SCAPER: variants seen among roughly 807,000 people sequenced by gnomAD.
The protein encoded by SCAPER is S phase cyclin A-associated protein in the endoplasmic reticulum.
A neutral mutation model predicts 182.2 loss-of-function variants in SCAPER; 98 were observed. That is an observed-to-expected ratio of 0.54 (90% CI 0.46 to 0.64). SCAPER has a LOEUF of 0.64. Among genes scored for constraint, SCAPER ranks in the 30% least tolerant of loss-of-function variants. The probability of loss-of-function intolerance (pLI) is 0.00; values close to 1 mark genes in which losing one functional copy is unlikely to be tolerated. For synonymous variants in SCAPER, 605 were observed against 564.6 expected (o/e 1.07, Z -1.01); for missense variants, 1,432 against 1,690.0 (o/e 0.85, Z 2.68).
intron 24 of SCAPER, among the ~76,000 whole-genome samples, chr15:76,484,196 G>A (rs1234056517): frequency 6.6e-6 from 1 of 152,038 alleles, no homozygotes; most frequent in Non-Finnish European, 1.5e-5. Flanking sequence ...AGAGACATGA[G>A]GGAACCTTAA....
intron 26 of SCAPER, among the ~76,000 whole-genome samples, chr15:76,406,418 C>T (rs375226333): frequency 1.1e-3 from 173 of 151,982 alleles, no homozygotes; most frequent in South Asian, 8.1e-3. Flanking sequence ...GTCGAAGTTG[C>T]AGTAAGCCAA....
At chr15:76,726,466 A>C (rs55691654) in intron 17 of SCAPER, among the ~76,000 whole-genome samples, 15,037 of 151,618 alleles carry the variant, frequency 0.099, 974 homozygotes, top group African/African-American at 0.17. Flanking sequence ...TCAAAAAAAA[A>C]CCAATAAAAT....
At chr15:76,433,976 G>A in intron 26 of SCAPER, 102 bp downstream of exon 26, 1 of 909,216 alleles carries the variant, frequency 1.1e-6, no homozygotes, top group Non-Finnish European at 1.6e-6. Flanking sequence ...TGTGTGAATG[G>A]CATTGTGAGA....
At chr15:76,384,578 G>A (rs1263487075) in intron 27 of SCAPER, among the ~76,000 whole-genome samples, 1 of 152,152 alleles carries the variant, frequency 6.6e-6, no homozygotes, top group Non-Finnish European at 1.5e-5. Context: ...TTATCCTAAT[G>A]AAATGAAAAC....
rs1190721202 is a variant in SCAPER at position 76,765,160 on chromosome 15, A to T, written c.1614-88T>A. On this transcript the variant is annotated intron_variant, in intron 13 of 31. Transcript: ENST00000563290. ...GTTCTTTAGACTTCATAGTTCTTAAAGTATACAAAACTAATTTTGGCCCAA... is the reference window on the plus strand; with the variant it reads ...GTTCTTTAGACTTCATAGTTCTTAATGTATACAAAACTAATTTTGGCCCAA... 1.9e-5 allele frequency: 21 copies of T among 1,128,712 alleles called. No homozygotes were observed. In the East Asian group the frequency reaches 5.4e-4, roughly 29 times the overall value. The allele number at this position is 1,128,712 out of a possible 1,614,324, so 69.9% of individuals were successfully genotyped here.
intron 24 of SCAPER, among the ~76,000 whole-genome samples, chr15:76,495,509 C>T (rs992772546): frequency 3.8e-5 from 5 of 130,170 alleles, no homozygotes; most frequent in Non-Finnish European, 6.2e-5. Flanking sequence ...ACCCAGGAGG[C>T]GGAGGTTGCA....
At chr15:76,485,763 T>G (rs985072970) in intron 24 of SCAPER, among the ~76,000 whole-genome samples, 1 of 152,042 alleles carries the variant, frequency 6.6e-6, no homozygotes, top group African/African-American at 2.4e-5. Flanking sequence ...TTGACACACC[T>G]GATAAAAACA....
intron 24 of SCAPER, among the ~76,000 whole-genome samples, chr15:76,490,903 T>C (rs773009875): frequency 5.3e-5 from 8 of 152,186 alleles, no homozygotes; most frequent in Non-Finnish European, 7.3e-5. Flanking sequence ...ATCCTTCCTG[T>C]GTTGTGTATT....
At chr15:76,500,170 C>G (rs1040168266) in intron 24 of SCAPER, among the ~76,000 whole-genome samples, 2 of 152,308 alleles carry the variant, frequency 1.3e-5, no homozygotes, top group East Asian at 3.9e-4. Flanking sequence ...TCTGACACTA[C>G]AGCCTACACA....
At chr15:76,630,298 T>G (rs2052984773) in intron 21 of SCAPER, among the ~76,000 whole-genome samples, 1 of 152,188 alleles carries the variant, frequency 6.6e-6, no homozygotes, top group African/African-American at 2.4e-5. Context: ...CTCTATCTCC[T>G]TCAGTTCTGC....
At chr15:76,352,702 G>A (rs542206421) in intron 30 of SCAPER, among the ~76,000 whole-genome samples, 9 of 151,416 alleles carry the variant, frequency 5.9e-5, no homozygotes, top group East Asian at 2.0e-4. Context: ...TGCTCACCCC[G>A]GCCTCCCAAA....
chr15:76,831,250 C>T (rs1012103173), intron 5 of SCAPER, among the ~76,000 whole-genome samples: 1 of 152,228 alleles, frequency 6.6e-6, no homozygotes, highest in Middle Eastern at 3.4e-3. Flanking sequence ...GCCTGCAGTA[C>T]AGGGCCAGTC....
chr15:76,864,325 T>C (rs1483030641), intron 2 of SCAPER, among the ~76,000 whole-genome samples: 2 of 152,236 alleles, frequency 1.3e-5, no homozygotes, highest in Non-Finnish European at 2.9e-5. Context: ...AATTCTAATA[T>C]ACACATAAAG....
chr15:76,732,029 T>A (rs994350658), intron 16 of SCAPER, among the ~76,000 whole-genome samples: 1 of 152,228 alleles, frequency 6.6e-6, no homozygotes, highest in African/African-American at 2.4e-5. Flanking sequence ...ATTCTATTGC[T>A]ATGATTACAG....
intron 22 of SCAPER, among the ~76,000 whole-genome samples, chr15:76,597,465 T>C (rs2049596954): frequency 1.7e-5 from 2 of 121,188 alleles, no homozygotes; most frequent in African/African-American, 2.5e-5. Flanking sequence ...TTAAATTTCA[T>C]ATGGAACCAA....
chr15:76,587,326 CTGGGTT>C (rs559030887), intron 22 of SCAPER, among the ~76,000 whole-genome samples: 112 of 152,010 alleles, frequency 7.4e-4, no homozygotes, highest in African/African-American at 2.5e-3. Context: ...TTTTCTTCTG[CTGGGTT>C]TGGGTTTGGT....
intron 25 of SCAPER, among the ~76,000 whole-genome samples, chr15:76,466,441 T>TTTTTTTC (rs1486283246): frequency 7.0e-6 from 1 of 143,186 alleles, no homozygotes; most frequent in Non-Finnish European, 1.5e-5. Flanking sequence ...TTTTTTTTTT[T>TTTTTTTC]TGTATTTTCT....
chr15:76,782,217 A>G (rs1394113505), intron 8 of SCAPER, among the ~76,000 whole-genome samples: 1 of 152,168 alleles, frequency 6.6e-6, no homozygotes, highest in Non-Finnish European at 1.5e-5. Flanking sequence ...GGAAAGCAAA[A>G]AAAAACAGGG....
chr15:76,604,871 T>G (rs8030521), intron 22 of SCAPER, among the ~76,000 whole-genome samples: 123,183 of 150,988 alleles, frequency 0.82, 51,029 homozygotes, highest in Middle Eastern at 0.91. Context: ...TTTGCACATT[T>G]ATTTTGTATC....
Sources: gnomAD v4.1 joint callset for allele counts (sites outside exome capture counted in the v4.1 genomes callset) on GRCh38, gnomAD v4.1.1 for gene constraint, MANE v1.5 for transcripts, NCBI Gene and HGNC (gene_info 2026-07-23, HGNC 2026-07-21) for gene names.